Variants in AADAC observed in about 807,000 individuals in gnomAD.
AADAC encodes arylacetamide deacetylase.
Under a neutral mutation model 22.7 loss-of-function variants are expected in AADAC, and 17 were observed. The ratio of observed to expected loss-of-function variants is 0.75; its 90% CI spans 0.51 to 1.12. The LOEUF (loss-of-function observed/expected upper bound fraction) is 1.12, where lower values mean the gene tolerates loss of function less well. AADAC is among the 50% of genes most tolerant of loss of function. The pLI, the probability that AADAC is intolerant of heterozygous loss-of-function variation, is 0.00. For missense variants in AADAC, 465 were observed against 473.9 expected, an observed-to-expected ratio of 0.98 and a Z score of 0.17; for synonymous variants, 167 against 176.3, an observed-to-expected ratio of 0.95 and a Z score of 0.42.
Position 151,818,578 on chromosome 3 carries a change from T to C in AADAC, c.361+990T>C, listed in dbSNP as rs184331877. Among the ~76,000 whole-genome samples, 178 of 152,094 alleles carry C rather than the reference T, an allele frequency of 1.2e-3. 1 individual carries two copies. Among genetic ancestry groups the C allele is most frequent in the African/African-American group, 4.1e-3 (171 of 41,528 alleles). Reference sequence around the variant, plus strand: ...GAAGTGAGGCACAGAAATAGGCGGATTGGTTACAGCTCAGCGTTTGCCTTA... The same window carrying C: ...GAAGTGAGGCACAGAAATAGGCGGACTGGTTACAGCTCAGCGTTTGCCTTA... On this transcript the variant is annotated intron_variant, in intron 2 of 4. Transcript: ENST00000232892.
Position 151,820,512 on chromosome 3 carries a change from CTTTCTTTTT to C in AADAC, c.431+64_431+72del, listed in dbSNP as rs1417544394. 3.4e-5 allele frequency: 21 copies of C among 615,192 alleles called. No homozygotes were observed. In the African/African-American group the frequency reaches 5.5e-4, roughly 16 times the overall value. The allele number at this position is 615,192 out of a possible 1,614,324, so 38.1% of individuals were successfully genotyped here. On this transcript the variant is annotated intron_variant, in intron 3 of 4. Coordinates refer to ENST00000232892, the MANE Select transcript of AADAC (RefSeq NM_001086.3). ...GTCTGACATGCCAAGATTTTCTCAG[CTTTCTTTTT>C]TTTTTTTTTTTTTTGTGATGGAGTC...
chr3:151,815,838 C>A (rs1401042975), intron 1 of AADAC, among the ~76,000 whole-genome samples: 1 of 151,840 alleles, frequency 6.6e-6, no homozygotes, highest in African/African-American at 2.4e-5. Flanking sequence ...CTGGTTTGTC[C>A]CTTTTTTCCT....
intron 1 of AADAC, 103 bp from the exon 2 acceptor site, chr3:151,817,263 A>G (rs1407631765): frequency 1.0e-6 from 1 of 969,284 alleles, no homozygotes; most frequent in African/African-American, 1.6e-5. Context: ...AATTTAGTTC[A>G]TTCCATTTGA....
At position 151,817,411 on chromosome 3, in the gene AADAC, T is replaced by A. The variant is rs1486184030; in HGVS notation, c.184T>A (p.Phe62Ile). 1 of 1,613,704 alleles carries A rather than the reference T, an allele frequency of 6.2e-7. No homozygotes were observed. The highest frequency in any genetic ancestry group is 1.3e-5 in the African/African-American group (1 of 74,910). ...LLGLHHFMDS[F>I]KVVGSFDEVP... Reference sequence around the variant, plus strand: ...GGGACTTCACCATTTTATGGATTCCTTTAAGGTTGTCGGGAGCTTTGATGA... The same window carrying A: ...GGGACTTCACCATTTTATGGATTCCATTAAGGTTGTCGGGAGCTTTGATGA... Residue 62 changes from phenylalanine (F) to isoleucine (I), a missense_variant, in exon 2 of 5, where the codon TTT (phenylalanine) becomes ATT (isoleucine). Phe to Ile is a conservative substitution (Grantham distance 21, BLOSUM62 0). Coordinates refer to ENST00000232892, the MANE Select transcript of AADAC (RefSeq NM_001086.3).
Position 151,827,942 on chromosome 3 carries a change from G to C in AADAC, c.970G>C (p.Ala324Pro). The C allele has an allele frequency of 1.9e-6, 3 of 1,610,830 alleles. No individual in the cohort carries two copies. Among genetic ancestry groups the C allele is most frequent in the Non-Finnish European group, 2.5e-6 (3 of 1,177,940 alleles). ...FLDVRAAPLL[A>P]DDNKLRGLPL... ...AGATGTGAGGGCAGCCCCTTTGTTG[G>C]CTGATGACAACAAATTACGTGGCTT... Residue 324 changes from alanine (A) to proline (P), a missense_variant, in exon 5 of 5, where the codon GCT (alanine) becomes CCT (proline). Transcript: ENST00000232892.
At position 151,824,708 on chromosome 3, in the gene AADAC, T is replaced by C. The variant is rs895550737; in HGVS notation, c.477T>C (p.Asp159=). The change falls in exon 4 of 5, where the codon GAT becomes GAC. Residue 159 remains aspartate, a synonymous_variant. Transcript: ENST00000232892. ...PKYHFPIQFE[D]VYNALRWFLR... is the part of the protein sequence containing the mutation. ...ATCATTTCCCAATTCAATTTGAAGA[T>C]GTATATAATGCCTTAAGGTGGTTCT... 2.5e-6 allele frequency: 4 copies of C among 1,596,804 alleles called. No homozygotes were observed. Among genetic ancestry groups the C allele is most frequent in the South Asian group, 2.3e-5 (2 of 87,038 alleles).
At chr3:151,823,994 A>G (rs1023419154) in intron 3 of AADAC, among the ~76,000 whole-genome samples, 13 of 152,008 alleles carry the variant, frequency 8.6e-5, no homozygotes, top group African/African-American at 3.1e-4. Flanking sequence ...CTGTAGGTAC[A>G]ATGTTGTACA....
chr3:151,828,296 G>T lies in AADAC; in HGVS notation c.*124G>T. 2 of 491,028 alleles carry T rather than the reference G, an allele frequency of 4.1e-6. No individual in the cohort carries two copies. The highest frequency in any genetic ancestry group is 7.8e-5 in the South Asian group (1 of 12,778). The allele number at this position is 491,028 out of a possible 1,614,324, so 30.4% of individuals were successfully genotyped here. The stretch of plus-strand genomic sequence containing the variant: ...CCACATGTAGCATAATTCTTAAATA[G>T]GCACTTTTCTGTTTTTTTTTTCTTA... On this transcript the variant is annotated 3_prime_UTR_variant, in exon 5 of 5. Transcript: ENST00000232892.
chr3:151,826,283 T>C (rs1198229559), intron 4 of AADAC, among the ~76,000 whole-genome samples: 1 of 151,958 alleles, frequency 6.6e-6, no homozygotes, highest in Non-Finnish European at 1.5e-5. Flanking sequence ...AGACTGGACA[T>C]CAGGAAACTT....
At chr3:151,819,089 G>A (rs1330623705) in intron 2 of AADAC, among the ~76,000 whole-genome samples, 1 of 146,382 alleles carries the variant, frequency 6.8e-6, no homozygotes, top group Non-Finnish European at 1.5e-5. Flanking sequence ...TGGGAAGTTA[G>A]AGGAGAAAAA....
intron 4 of AADAC, among the ~76,000 whole-genome samples, chr3:151,825,713 AT>A (rs1716463282): frequency 6.6e-6 from 1 of 151,900 alleles, no homozygotes; most frequent in South Asian, 2.1e-4. Flanking sequence ...ATAATAACAA[AT>A]GGCATTTTTG....
chr3:151,819,070 C>T (rs1716122866), intron 2 of AADAC, among the ~76,000 whole-genome samples: 1 of 151,440 alleles, frequency 6.6e-6, no homozygotes, highest in Admixed American at 6.6e-5. Context: ...GCAAATTTGT[C>T]CATTGATGTG....
chr3:151,817,875 C>T (rs993671881), intron 2 of AADAC, among the ~76,000 whole-genome samples: 1 of 151,980 alleles, frequency 6.6e-6, no homozygotes, highest in Admixed American at 6.6e-5. Context: ...CTTGATATTA[C>T]AGAACCATTT....
In AADAC at chr3:151,827,724, G is replaced by C; in HGVS notation, c.752G>C (p.Ser251Thr). Residue 251 changes from serine to threonine, a missense_variant, in exon 5 of 5, where the codon AGT (serine) becomes ACT (threonine). Physicochemically the swap from Ser to Thr is moderately conservative, Grantham distance 58. Coordinates refer to ENST00000232892, the MANE Select transcript of AADAC (RefSeq NM_001086.3). ...LSKSLMVRFW[S>T]EYFTTDRSLE... ...AAATCACTCATGGTCAGATTCTGGA[G>C]TGAATATTTTACCACTGATAGATCA... 6.2e-7 allele frequency: 1 copy of C among 1,613,154 alleles called. No homozygotes were observed. The highest frequency in any genetic ancestry group is 8.5e-7 in the Non-Finnish European group (1 of 1,179,458).
intron 2 of AADAC, 89 bp downstream of exon 2, chr3:151,817,677 T>C: frequency 7.3e-6 from 8 of 1,100,286 alleles, no homozygotes; most frequent in Non-Finnish European, 1.1e-5. Context: ...CCCTTCGGCA[T>C]GGACATTACT....
chr3:151,823,059 C>T (rs1716316963), intron 3 of AADAC, among the ~76,000 whole-genome samples: 1 of 151,876 alleles, frequency 6.6e-6, no homozygotes, highest in African/African-American at 2.4e-5. Flanking sequence ...GCAGGTGGAT[C>T]ATGAGATCAG....
At chr3:151,815,255 A>G (rs1715934687) in intron 1 of AADAC, among the ~76,000 whole-genome samples, 1 of 152,062 alleles carries the variant, frequency 6.6e-6, no homozygotes, top group African/African-American at 2.4e-5. Flanking sequence ...GGAAACAGCT[A>G]CTTAGGGACC....
rs1367948683 is a variant in AADAC at position 151,828,399 on chromosome 3, T to C, written c.*227T>C. The C allele has an allele frequency of 3.5e-6, 1 of 284,492 alleles. No homozygotes were observed. The highest frequency in any genetic ancestry group is 6.5e-6 in the Non-Finnish European group (1 of 154,154). 17.6% of individuals were successfully genotyped at this position (284,492 alleles called of 1,614,324 possible). ...TTTCCTTCTTACACTGTTAATCTTA[T>C]TTTAAAAAATATTACATTCTTGTAT... On this transcript the variant is annotated 3_prime_UTR_variant, in exon 5 of 5. Transcript: ENST00000232892.
At chr3:151,821,840 T>A (rs888882241) in intron 3 of AADAC, among the ~76,000 whole-genome samples, 2 of 151,882 alleles carry the variant, frequency 1.3e-5, no homozygotes, top group East Asian at 3.9e-4. Flanking sequence ...ATATTAAAGA[T>A]GAAGAACTCC....
Sources: gnomAD v4.1 joint callset for allele counts (sites outside exome capture counted in the v4.1 genomes callset) on GRCh38, gnomAD v4.1.1 for gene constraint, MANE v1.5 for transcripts, NCBI Gene and HGNC (gene_info 2026-07-23, HGNC 2026-07-21) for gene names.